NLRC3: variants seen among roughly 807,000 people sequenced by gnomAD.
The protein encoded by NLRC3 is NLR family CARD domain-containing protein 3.
A neutral mutation model predicts 91.6 loss-of-function variants in NLRC3; 87 were observed. The ratio of observed to expected loss-of-function variants is 0.95; its 90% CI spans 0.80 to 1.14. NLRC3 has a LOEUF of 1.14. NLRC3 is among the 50% of genes most tolerant of loss of function. The pLI is 0.00. For missense variants in NLRC3, 1,577 were observed against 1,418.6 expected, an observed-to-expected ratio of 1.11 and a Z score of -1.79; for synonymous variants, 694 against 625.3, an observed-to-expected ratio of 1.11 and a Z score of -1.64.
intron 1 of NLRC3, among the ~76,000 whole-genome samples, chr16:3,574,569 GTC>G (rs1425458017): frequency 6.6e-6 from 1 of 152,180 alleles, no homozygotes; most frequent in African/African-American, 2.4e-5. Flanking sequence ...GGCCTCATTA[GTC>G]TCTCAGTATT....
At chr16:3,575,191 G>A (rs2040239137) in intron 1 of NLRC3, among the ~76,000 whole-genome samples, 2 of 152,138 alleles carry the variant, frequency 1.3e-5, no homozygotes, top group South Asian at 2.1e-4. Context: ...GAAGGACAGA[G>A]GAGGGGGTGC....
intron 14 of NLRC3, 145 bp downstream of exon 14, chr16:3,548,525 C>T: frequency 1.5e-6 from 1 of 652,148 alleles, no homozygotes. Context: ...GCACAGTCTG[C>T]TGGCAGCAGG....
At chr16:3,558,501 A>C (rs148656017) in intron 6 of NLRC3, among the ~76,000 whole-genome samples, 25 of 152,226 alleles carry the variant, frequency 1.6e-4, no homozygotes, top group African/African-American at 5.8e-4. Flanking sequence ...ATTTAGGCAC[A>C]CTACTGATCC....
chr16:3,555,880 C>T (rs1596463789), intron 8 of NLRC3: 1 of 149,682 alleles, frequency 6.7e-6, no homozygotes, highest in East Asian at 2.0e-4. Flanking sequence ...CTGGGACCCG[C>T]CTAAAACAGT....
chr16:3,558,759 A>T (rs2039472869), intron 6 of NLRC3, among the ~76,000 whole-genome samples: 1 of 152,038 alleles, frequency 6.6e-6, no homozygotes, highest in Admixed American at 6.6e-5. Context: ...TTCAATTAGA[A>T]TCCCCAGGCT....
chr16:3,543,621 G>C, intron 16 of NLRC3, 113 bp from the exon 17 acceptor site: 1 of 734,606 alleles, frequency 1.4e-6, no homozygotes, highest in South Asian at 1.5e-5. Context: ...AAACAGCACT[G>C]AGAATGGTTG....
chr16:3,576,432 GT>G (rs1300258440), intron 1 of NLRC3, among the ~76,000 whole-genome samples: 2 of 152,194 alleles, frequency 1.3e-5, no homozygotes, highest in Non-Finnish European at 2.9e-5. Flanking sequence ...TACAGGTGGG[GT>G]GCTGAGGCCC....
chr16:3,561,940 G>T (rs114587097), intron 5 of NLRC3, among the ~76,000 whole-genome samples, 152 bp from the exon 6 acceptor site: 1 of 152,228 alleles, frequency 6.6e-6, no homozygotes. Context: ...GACCTTTCCC[G>T]TGAGAGTGAA....
chr16:3,543,091 G>C (rs888887071), intron 17 of NLRC3: 4 of 488,690 alleles, frequency 8.2e-6, no homozygotes, highest in African/African-American at 7.7e-5. Context: ...CCCAGCAAGG[G>C]CAGGAATTCT....
Position 3,563,201 on chromosome 16 carries a change from A to T in NLRC3, c.1736T>A (p.Leu579Gln). 2 of 1,597,580 alleles carry T rather than the reference A, an allele frequency of 1.3e-6. No homozygotes were observed. Among genetic ancestry groups the T allele is most frequent in the Non-Finnish European group, 8.5e-7 (1 of 1,174,600 alleles). Residue 579 changes from leucine (L) to glutamine (Q), a missense_variant, in exon 5 of 20, where the codon CTG becomes CAG. By Grantham distance (113) the Leu-to-Gln change is moderately radical. Transcript: ENST00000359128. ...CATGGCCTCCTCCACGCTGCGGGCC[A>T]GCTCGGTGTGCTGCAGCTCATGCAG... ...HCLHELQHTE[L>Q]ARSVEEAMES...
chr16:3,566,961 C>CA (rs2039907716), intron 2 of NLRC3, among the ~76,000 whole-genome samples: 1 of 152,122 alleles, frequency 6.6e-6, no homozygotes, highest in Non-Finnish European at 1.5e-5. Flanking sequence ...AAGGAGGAGT[C>CA]AAAAAGGAGA....
intron 8 of NLRC3, 70 bp from the exon 9 acceptor site, chr16:3,554,395 G>T: frequency 8.9e-7 from 1 of 1,125,306 alleles, no homozygotes; most frequent in Non-Finnish European, 1.3e-6. Flanking sequence ...AACTCTCTCT[G>T]CAGTGGGGGC....
At chr16:3,548,997 C>T (rs923993108) in intron 13 of NLRC3, 145 bp downstream of exon 13, 4 of 699,466 alleles carry the variant, frequency 5.7e-6, no homozygotes, top group African/African-American at 3.6e-5. Context: ...ACTTGCCACC[C>T]GATGTCAGGT....
rs774398228 is a variant in NLRC3 at position 3,565,031 on chromosome 16, C to T, written c.6G>A (p.Arg2=). ...CCCTGCCCGTCCGCACCTCTTGCTT[C>T]CTCATGGAGTCGGGGATCACCTCCA... M[R]KQEVRTGREA... is the part of the protein sequence containing the mutation. The change falls in exon 4 of 20, where the codon AGG becomes AGA. Residue 2 remains arginine (R), a synonymous_variant. Coordinates refer to ENST00000359128, the MANE Select transcript of NLRC3 (RefSeq NM_178844.4). The T allele has an allele frequency of 5.6e-6, 9 of 1,609,286 alleles. No individual in the cohort carries two copies. In the South Asian group the frequency reaches 8.8e-5, roughly 16 times the overall value.
chr16:3,551,120 T>C (rs920968985), intron 10 of NLRC3, among the ~76,000 whole-genome samples: 2 of 151,442 alleles, frequency 1.3e-5, no homozygotes, highest in African/African-American at 4.9e-5. Flanking sequence ...CACCCATCCA[T>C]CCATTTGTCC....
rs906844755 is a variant in NLRC3, at chr16:3,541,211, CA to C, written c.*613del. ...CAAGAGCGAGACTCCATCTCAAAAA[CA>C]AACAAAAAAGGCAAAATCCTTGGAG... On this transcript the variant is annotated 3_prime_UTR_variant, in exon 20 of 20. Transcript: ENST00000359128. 1.3e-4 allele frequency: 20 copies of C among 152,238 alleles called. No homozygotes were observed. Among genetic ancestry groups the C allele is most frequent in the African/African-American group, 4.8e-4 (20 of 41,560 alleles). The allele number at this position is 152,238 out of a possible 1,614,324, so 9.4% of individuals were successfully genotyped here.
intron 15 of NLRC3, chr16:3,545,766 A>G (rs1023033214): frequency 6.6e-6 from 1 of 152,184 alleles, no homozygotes; most frequent in Non-Finnish European, 1.5e-5. Context: ...TCAGCTAAGG[A>G]ACCCAAACGA....
chr16:3,573,364 C>T (rs538696126), intron 1 of NLRC3, among the ~76,000 whole-genome samples: 8 of 152,314 alleles, frequency 5.3e-5, no homozygotes, highest in African/African-American at 1.9e-4. Flanking sequence ...GCCGTCAAGG[C>T]TGCAGTTAGC....
At position 3,542,233 on chromosome 16, in the gene NLRC3, A is replaced by G; in HGVS notation, c.3065T>C (p.Ile1022Thr). 7.5e-6 allele frequency: 12 copies of G among 1,595,588 alleles called. No individual in the cohort carries two copies. Among genetic ancestry groups the G allele is most frequent in the African/African-American group, 1.3e-5 (1 of 74,558 alleles). The change falls in exon 19 of 20, where the codon ATT (isoleucine) becomes ACT (threonine). Residue 1022 changes from isoleucine to threonine, a missense_variant. Ile to Thr is a moderately conservative substitution (Grantham distance 89). Transcript: ENST00000359128. ...GTGGTTTCCAGACAGTGCTGTGGCA[A>G]TGCATATCGCCCCGTCCATCCCCAG... ...NSLGMDGAIC[I>T]ATALSGNHRL...
Sources: gnomAD v4.1 joint callset for allele counts (sites outside exome capture counted in the v4.1 genomes callset) on GRCh38, gnomAD v4.1.1 for gene constraint, MANE v1.5 for transcripts, NCBI Gene and HGNC (gene_info 2026-07-23, HGNC 2026-07-21) for gene names.